The following SELENOI variants were observed in gnomAD, a reference collection of about 807,000 sequenced individuals.
The protein encoded by SELENOI is ethanolaminephosphotransferase 1.
A neutral mutation model predicts 50.7 loss-of-function variants in SELENOI; 24 were observed. The observed-to-expected ratio is 0.47, with a 90% CI of 0.34 to 0.67. The LOEUF (loss-of-function observed/expected upper bound fraction) is 0.67. Among genes scored for constraint, SELENOI ranks in the 30% least tolerant of loss-of-function variants. The probability of loss-of-function intolerance (pLI) is 0.01; values close to 1 mark genes in which losing one functional copy is unlikely to be tolerated. For missense variants in SELENOI, 352 were observed against 461.4 expected (o/e 0.76, Z 2.17); for synonymous variants, 155 against 170.2 (o/e 0.91, Z 0.70).
At chr2:26,357,858 T>G (rs1195449834) in intron 1 of SELENOI, among the ~76,000 whole-genome samples, 1 of 139,326 alleles carries the variant, frequency 7.2e-6, no homozygotes, top group African/African-American at 2.5e-5. Context: ...GCTCCCATAA[T>G]TCCCACGAAT....
chr2:26,371,033 C>A (rs1236232208), intron 4 of SELENOI, among the ~76,000 whole-genome samples: 1 of 144,298 alleles, frequency 6.9e-6, no homozygotes, highest in African/African-American at 2.6e-5. Flanking sequence ...AGGGGCTCCT[C>A]ACTTCCCAGT....
At chr2:26,365,529 G>T (rs1239622967) in intron 3 of SELENOI, among the ~76,000 whole-genome samples, 1 of 152,180 alleles carries the variant, frequency 6.6e-6, no homozygotes, top group Non-Finnish European at 1.5e-5. Context: ...GGGATGACGA[G>T]GGAATAGTTG....
At chr2:26,368,038 C>T (rs912672409) in intron 4 of SELENOI, among the ~76,000 whole-genome samples, 3 of 152,174 alleles carry the variant, frequency 2.0e-5, no homozygotes, top group Non-Finnish European at 2.9e-5. Context: ...CGTAGACACT[C>T]GGTACATAGT....
intron 1 of SELENOI, among the ~76,000 whole-genome samples, chr2:26,354,939 T>C (rs1002937203): frequency 6.6e-6 from 1 of 152,246 alleles, no homozygotes; most frequent in Non-Finnish European, 1.5e-5. Context: ...AAAAGGCTTT[T>C]GATTAAATAA....
chr2:26,361,523 T>C (rs1677178533), intron 1 of SELENOI, among the ~76,000 whole-genome samples: 1 of 152,238 alleles, frequency 6.6e-6, no homozygotes, highest in African/African-American at 2.4e-5. Context: ...TGGTTGGCTA[T>C]GGTTAAAATG....
rs1274857739 is a variant in SELENOI, at chr2:26,391,757, A to G, written c.*2654A>G. The G allele has an allele frequency of 1.3e-5, 2 of 152,124 alleles. No individual in the cohort carries two copies. Among genetic ancestry groups the G allele is most frequent in the African/African-American group, 4.8e-5 (2 of 41,424 alleles). The allele number at this position is 152,124 out of a possible 1,614,324, so 9.4% of individuals were successfully genotyped here. A position where few individuals can be genotyped will look rare whatever the true frequency, so the allele number is the denominator to read the frequency against. ...GCTTATCAGATAATAATTCTCCTAT[A>G]TTTGAGGGGGGCATGGGATAAAAAG... On this transcript the variant is annotated 3_prime_UTR_variant, in exon 10 of 10. Transcript: ENST00000260585.
rs919631344 is a variant in SELENOI at position 26,391,932 on chromosome 2, G to T, written c.*2829G>T. 4 of 152,050 alleles carry T rather than the reference G, an allele frequency of 2.6e-5. No homozygotes were observed. Among genetic ancestry groups the T allele is most frequent in the African/African-American group, 9.7e-5 (4 of 41,374 alleles). 9.4% of individuals were successfully genotyped at this position (152,050 alleles called of 1,614,324 possible). A position where few individuals can be genotyped will look rare whatever the true frequency, so the allele number is the denominator to read the frequency against. ...GAATAGGTAATTGATAGAGTTTATG[G>T]GTCTTAGTCTTAAGGGTAACAGAGT... On this transcript the variant is annotated 3_prime_UTR_variant, in exon 10 of 10. Transcript: ENST00000260585.
At chr2:26,369,776 G>A (rs1677371157) in intron 4 of SELENOI, among the ~76,000 whole-genome samples, 2 of 152,148 alleles carry the variant, frequency 1.3e-5, no homozygotes, top group Admixed American at 6.5e-5. Flanking sequence ...CTCTTAACAT[G>A]CTAGTCTCTA....
chr2:26,372,179 C>G (rs1677471223), intron 4 of SELENOI, among the ~76,000 whole-genome samples: 1 of 152,136 alleles, frequency 6.6e-6, no homozygotes, highest in South Asian at 2.1e-4. Context: ...ATGGTGTGAT[C>G]TCAGCTCACT....
chr2:26,350,890 TA>T (rs966790556), intron 1 of SELENOI, among the ~76,000 whole-genome samples: 7 of 152,166 alleles, frequency 4.6e-5, no homozygotes, highest in African/African-American at 1.7e-4. Flanking sequence ...CTGTTCCTGA[TA>T]GACCTATTGT....
At chr2:26,350,809 T>C (rs1266735263) in intron 1 of SELENOI, among the ~76,000 whole-genome samples, 1 of 152,156 alleles carries the variant, frequency 6.6e-6, no homozygotes, top group Non-Finnish European at 1.5e-5. Flanking sequence ...TCTAGAAAGA[T>C]GAATATGTAT....
intron 5 of SELENOI, among the ~76,000 whole-genome samples, chr2:26,374,590 C>T (rs1174973509): frequency 7.8e-6 from 1 of 128,438 alleles, no homozygotes; most frequent in Non-Finnish European, 1.6e-5. Flanking sequence ...TTTTTTGAGA[C>T]AGAATTTCGC....
intron 4 of SELENOI, among the ~76,000 whole-genome samples, chr2:26,371,379 G>A (rs1293068474): frequency 6.6e-6 from 1 of 152,110 alleles, no homozygotes; most frequent in Non-Finnish European, 1.5e-5. Flanking sequence ...CCAGACGATG[G>A]GCAGCCGGGC....
chr2:26,364,078 C>T (rs1417634143), intron 1 of SELENOI, among the ~76,000 whole-genome samples: 48 of 114,928 alleles, frequency 4.2e-4, no homozygotes, highest in Non-Finnish European at 7.1e-4. Flanking sequence ...CTTTCTCCCC[C>T]TTTTTTTTTT....
At chr2:26,374,773 G>A (rs950800186) in intron 5 of SELENOI, among the ~76,000 whole-genome samples, 1 of 151,856 alleles carries the variant, frequency 6.6e-6, no homozygotes, top group African/African-American at 2.4e-5. Context: ...TCTCCATGTT[G>A]GTCAGGCTGG....
intron 1 of SELENOI, among the ~76,000 whole-genome samples, chr2:26,348,573 C>T (rs1676869270): frequency 6.6e-6 from 1 of 152,122 alleles, no homozygotes. Flanking sequence ...TGTATTGACA[C>T]TTGCATTCGC....
chr2:26,349,670 G>GT (rs372398913), intron 1 of SELENOI, among the ~76,000 whole-genome samples: 66,478 of 115,036 alleles, frequency 0.58, 21,172 homozygotes, highest in East Asian at 0.96. Context: ...CTGCAAGTTG[G>GT]TTTTTTTTTT....
At chr2:26,370,370 T>G in intron 4 of SELENOI, among the ~76,000 whole-genome samples, 1 of 151,762 alleles carries the variant, frequency 6.6e-6, no homozygotes, top group East Asian at 1.9e-4. Flanking sequence ...AATGAGCTGT[T>G]GGGCACACCT....
At chr2:26,367,328 TTTA>T in intron 4 of SELENOI, 108 bp downstream of exon 4, 1 of 821,150 alleles carries the variant, frequency 1.2e-6, no homozygotes, top group Non-Finnish European at 1.8e-6. Flanking sequence ...TTAACTAGAG[TTTA>T]TTAGTATCCT....
Sources: allele counts gnomAD v4.1 joint callset (sites outside exome capture counted in the v4.1 genomes callset), GRCh38; gene constraint gnomAD v4.1.1; transcripts MANE v1.5; gene names NCBI Gene and HGNC (gene_info 2026-07-23, HGNC 2026-07-21).